DSCAM: variants seen among roughly 807,000 people sequenced by gnomAD.
DSCAM encodes the protein cell adhesion molecule DSCAM.
A neutral mutation model predicts 217.7 loss-of-function variants in DSCAM; 47 were observed. The ratio of observed to expected loss-of-function variants is 0.22; its 90% CI spans 0.17 to 0.28. The LOEUF (loss-of-function observed/expected upper bound fraction) is 0.28. Among genes scored for constraint, DSCAM ranks in the 10% least tolerant of loss-of-function variants. The probability of loss-of-function intolerance (pLI) is 1.00; values close to 1 mark genes in which losing one functional copy is unlikely to be tolerated. For missense variants in DSCAM, 2,080 were observed against 2,618.3 expected (o/e 0.79, Z 4.49); for synonymous variants, 1,056 against 1,015.3 (o/e 1.04, Z -0.76).
At chr21:40,544,047 T>C (rs1482509711) in intron 3 of DSCAM, among the ~76,000 whole-genome samples, 1 of 152,108 alleles carries the variant, frequency 6.6e-6, no homozygotes, top group Non-Finnish European at 1.5e-5. Flanking sequence ...GAGTTGGGTT[T>C]AACCAAGAGG....
chr21:40,206,392 G>T (rs377402539), intron 11 of DSCAM, among the ~76,000 whole-genome samples: 7 of 152,088 alleles, frequency 4.6e-5, no homozygotes, highest in East Asian at 1.9e-4. Flanking sequence ...AGCACACGGG[G>T]GTAGGCCCGA....
intron 3 of DSCAM, among the ~76,000 whole-genome samples, chr21:40,643,476 G>C (rs140126157): frequency 8.5e-4 from 130 of 152,294 alleles, no homozygotes; most frequent in African/African-American, 3.1e-3. Context: ...GCTCTCAGGG[G>C]AGAAACTACC....
intron 20 of DSCAM, among the ~76,000 whole-genome samples, chr21:40,113,005 C>T (rs1223008110): frequency 6.6e-6 from 1 of 152,162 alleles, no homozygotes; most frequent in Non-Finnish European, 1.5e-5. Flanking sequence ...GAGCTGGTAC[C>T]ATTCCTTCTG....
At chr21:40,455,597 T>G (rs1209520770) in intron 3 of DSCAM, among the ~76,000 whole-genome samples, 1 of 151,972 alleles carries the variant, frequency 6.6e-6, no homozygotes, top group Non-Finnish European at 1.5e-5. Flanking sequence ...CGAAACCCCG[T>G]CTCTACTGTA....
At chr21:40,199,900 C>T (rs975271461) in intron 11 of DSCAM, among the ~76,000 whole-genome samples, 2 of 151,756 alleles carry the variant, frequency 1.3e-5, no homozygotes, top group Non-Finnish European at 2.9e-5. Flanking sequence ...TGTAACAAAC[C>T]TGCACATTCT....
chr21:40,188,061 CCA>C, intron 12 of DSCAM, 74 bp from the exon 13 acceptor site: 1 of 1,125,864 alleles, frequency 8.9e-7, no homozygotes, highest in Non-Finnish European at 1.3e-6. Flanking sequence ...CTCTCTCTCT[CCA>C]CTCTTTCAGT....
At chr21:40,490,406 G>A (rs1202339030) in intron 3 of DSCAM, among the ~76,000 whole-genome samples, 2 of 152,130 alleles carry the variant, frequency 1.3e-5, no homozygotes, top group African/African-American at 4.8e-5. Flanking sequence ...TACTTACTAT[G>A]TAGGTTCACA....
chr21:40,165,440 A>C (rs1337552799), intron 16 of DSCAM, among the ~76,000 whole-genome samples: 1 of 152,242 alleles, frequency 6.6e-6, no homozygotes, highest in Non-Finnish European at 1.5e-5. Context: ...ACAAAGGCCC[A>C]CTACAGAGAT....
At chr21:40,625,663 C>A (rs983500150) in intron 3 of DSCAM, among the ~76,000 whole-genome samples, 1 of 152,198 alleles carries the variant, frequency 6.6e-6, no homozygotes, top group African/African-American at 2.4e-5. Flanking sequence ...GATGTCATTA[C>A]GTCTGTTCTT....
chr21:40,406,709 G>A (rs1457140835), intron 3 of DSCAM, among the ~76,000 whole-genome samples: 2 of 152,126 alleles, frequency 1.3e-5, no homozygotes, highest in African/African-American at 4.8e-5. Context: ...TCCCACCTCA[G>A]CCTCCCAGGT....
chr21:40,372,717 T>A (rs1293383610), intron 3 of DSCAM, among the ~76,000 whole-genome samples: 1 of 152,248 alleles, frequency 6.6e-6, no homozygotes, highest in African/African-American at 2.4e-5. Flanking sequence ...GTTATCAGTA[T>A]CTTTGTCAAC....
At chr21:40,664,893 C>T (rs935949452) in intron 3 of DSCAM, among the ~76,000 whole-genome samples, 14 of 152,126 alleles carry the variant, frequency 9.2e-5, no homozygotes, top group African/African-American at 3.4e-4. Flanking sequence ...TGGAGGTGGA[C>T]CTCCCATCCC....
intron 3 of DSCAM, among the ~76,000 whole-genome samples, chr21:40,592,072 G>T (rs573659480): frequency 6.6e-6 from 1 of 152,278 alleles, no homozygotes; most frequent in Non-Finnish European, 1.5e-5. Context: ...ATTGCTAAAT[G>T]TGTCACATTT....
chr21:40,267,786 C>G (rs1411132872), intron 11 of DSCAM, among the ~76,000 whole-genome samples: 1 of 151,962 alleles, frequency 6.6e-6, no homozygotes, highest in African/African-American at 2.4e-5. Context: ...AGTCCAGCTA[C>G]TTGGGAGGCT....
At chr21:40,048,243 A>ATGAT (rs940031250) in intron 30 of DSCAM, among the ~76,000 whole-genome samples, 1 of 152,260 alleles carries the variant, frequency 6.6e-6, no homozygotes, top group African/African-American at 2.4e-5. Flanking sequence ...GGCCGTGCCC[A>ATGAT]TGATTCCTAT....
intron 3 of DSCAM, among the ~76,000 whole-genome samples, chr21:40,472,040 G>A (rs1392192861): frequency 1.3e-5 from 2 of 152,086 alleles, no homozygotes; most frequent in African/African-American, 2.4e-5. Flanking sequence ...GAGAACATGC[G>A]GTGTTTGGTT....
rs769810433 is a variant in DSCAM at position 40,013,381 on chromosome 21, G to C, written c.5692C>G (p.Leu1898Val). Residue 1898 changes from leucine to valine, a missense_variant, in exon 33 of 33, where the codon CTC becomes GTC. Transcript: ENST00000400454. ...AVPKAHRPGD[L>V]IHLPPYLRMD... is the part of the protein sequence containing the mutation. ...CTAAGGTATGGAGGCAAATGTATGA[G>C]GTCACCTAGAAGGAAAGACAGGGTA... 2 of 1,548,762 alleles carry C rather than the reference G, an allele frequency of 1.3e-6. No individual in the cohort carries two copies. The highest frequency in any genetic ancestry group is 1.7e-6 in the Non-Finnish European group (2 of 1,148,378).
intron 19 of DSCAM, 85 bp downstream of exon 19, chr21:40,133,769 T>G: frequency 6.8e-7 from 1 of 1,474,492 alleles, no homozygotes; most frequent in Non-Finnish European, 9.1e-7. Context: ...AATAGCCTGA[T>G]GAACTGCAGG....
At chr21:40,459,591 C>A (rs1000048334) in intron 3 of DSCAM, among the ~76,000 whole-genome samples, 1 of 152,078 alleles carries the variant, frequency 6.6e-6, no homozygotes, top group South Asian at 2.1e-4. Context: ...ATGAACAGCA[C>A]GTTGAAATGC....
Sources: allele counts gnomAD v4.1 joint callset (sites outside exome capture counted in the v4.1 genomes callset), GRCh38; gene constraint gnomAD v4.1.1; transcripts MANE v1.5; gene names NCBI Gene and HGNC (gene_info 2026-07-23, HGNC 2026-07-21).